MEF2A: variants seen among roughly 807,000 people sequenced by gnomAD.
MEF2A encodes myocyte enhancer factor 2A.
In MEF2A, 28 loss-of-function variants were observed where a neutral mutation model predicts 55.8. The ratio of observed to expected loss-of-function variants is 0.50; its 90% CI spans 0.37 to 0.69. The LOEUF (loss-of-function observed/expected upper bound fraction) is 0.69, where lower values mean the gene tolerates loss of function less well. Among genes scored for constraint, MEF2A ranks in the 30% least tolerant of loss-of-function variants. MEF2A has a pLI of 0.00. For missense variants in MEF2A, 528 were observed against 626.2 expected (o/e 0.84, Z 1.67); for synonymous variants, 239 against 227.1 (o/e 1.05, Z -0.47).
At chr15:99,711,087 A>G (rs1282758995) in intron 11 of MEF2A, among the ~76,000 whole-genome samples, 1 of 152,124 alleles carries the variant, frequency 6.6e-6, no homozygotes, top group African/African-American at 2.4e-5. Context: ...CTGCCCTCTG[A>G]CCAGTGATGA....
At chr15:99,638,936 G>A (rs942974166) in intron 3 of MEF2A, among the ~76,000 whole-genome samples, 1 of 152,038 alleles carries the variant, frequency 6.6e-6, no homozygotes, top group South Asian at 2.1e-4. Context: ...CTTTAAAGAG[G>A]TATTTGTTGT....
intron 4 of MEF2A, among the ~76,000 whole-genome samples, chr15:99,654,557 T>TA (rs2047372993): frequency 7.5e-6 from 1 of 133,362 alleles, no homozygotes; most frequent in African/African-American, 2.9e-5. Context: ...AATAAATAAA[T>TA]AAATAAAAAT....
intron 1 of MEF2A, among the ~76,000 whole-genome samples, chr15:99,576,034 T>C (rs1161712357): frequency 2.6e-5 from 4 of 152,364 alleles, no homozygotes; most frequent in East Asian, 1.9e-4. Flanking sequence ...GCTCATCTTA[T>C]GGTCATCTCC....
intron 2 of MEF2A, among the ~76,000 whole-genome samples, chr15:99,620,376 G>C (rs952338982): frequency 6.6e-6 from 1 of 152,098 alleles, no homozygotes; most frequent in African/African-American, 2.4e-5. Context: ...AGTGTTTGTT[G>C]TTCTCAACTT....
intron 2 of MEF2A, among the ~76,000 whole-genome samples, chr15:99,621,239 A>G (rs919155916): frequency 3.9e-5 from 6 of 152,196 alleles, no homozygotes; most frequent in African/African-American, 1.2e-4. Context: ...TTTATTGTAC[A>G]GTGTTCCACC....
chr15:99,587,200 C>G (rs745408429), intron 1 of MEF2A, among the ~76,000 whole-genome samples: 1 of 152,012 alleles, frequency 6.6e-6, no homozygotes, highest in Non-Finnish European at 1.5e-5. Flanking sequence ...AATGCTATCC[C>G]TCCCCTTGTC....
intron 2 of MEF2A, among the ~76,000 whole-genome samples, chr15:99,621,275 G>A (rs374339977): frequency 2.0e-5 from 3 of 152,212 alleles, no homozygotes; most frequent in East Asian, 3.9e-4. Context: ...GTATTGTAGG[G>A]ACAGGCCACC....
chr15:99,640,336 G>A lies in MEF2A; in HGVS notation c.55-5225G>A, dbSNP rs558794766. On this transcript the variant is annotated intron_variant, in intron 3 of 11. Transcript: ENST00000557942. ...GTTTTATACATTTTGGGACTATTTC[G>A]TTAGGCTTGCACATATTTAGAGGTG... is the stretch of plus-strand genomic sequence containing the variant. Among the ~76,000 whole-genome samples, 5 of 152,046 alleles carry A rather than the reference G, an allele frequency of 3.3e-5. No individual in the cohort carries two copies. In the South Asian group the frequency reaches 6.2e-4, roughly 19 times the overall value.
intron 2 of MEF2A, among the ~76,000 whole-genome samples, chr15:99,629,102 T>G (rs2042509654): frequency 6.6e-6 from 1 of 152,176 alleles, no homozygotes; most frequent in African/African-American, 2.4e-5. Flanking sequence ...TGTTGCTTCT[T>G]GAAGTTAATC....
Position 99,600,614 on chromosome 15 carries a change from T to G in MEF2A, c.-143+2103T>G, listed in dbSNP as rs1357118858. On this transcript the variant is annotated intron_variant, in intron 2 of 11. Coordinates refer to ENST00000557942, the MANE Select transcript of MEF2A (RefSeq NM_001319206.4). ...TGAGGTAAGGGTTGAAGTTTATTTC[T>G]TTGAATATAGATATCATATTGTTCC... Among the ~76,000 whole-genome samples, 5 of 152,288 alleles carry G rather than the reference T, an allele frequency of 3.3e-5. No homozygotes were observed. In the East Asian group the frequency reaches 9.6e-4, roughly 29 times the overall value.
chr15:99,665,264 T>C (rs1310908122), intron 4 of MEF2A, among the ~76,000 whole-genome samples: 1 of 152,190 alleles, frequency 6.6e-6, no homozygotes, highest in Non-Finnish European at 1.5e-5. Context: ...TATGGAAATT[T>C]TAAACTCAAG....
chr15:99,582,593 T>G (rs1001093471), intron 1 of MEF2A, among the ~76,000 whole-genome samples: 3 of 152,072 alleles, frequency 2.0e-5, no homozygotes, highest in African/African-American at 7.2e-5. Context: ...TCAGTGAAAA[T>G]GTGGTATGTA....
chr15:99,672,516 C>T (rs901427504), intron 5 of MEF2A, among the ~76,000 whole-genome samples: 1 of 152,162 alleles, frequency 6.6e-6, no homozygotes, highest in Non-Finnish European at 1.5e-5. Context: ...GTAGGTCAGC[C>T]GCCCTTGAAC....
At chr15:99,641,618 G>T (rs913427145) in intron 3 of MEF2A, among the ~76,000 whole-genome samples, 1 of 152,130 alleles carries the variant, frequency 6.6e-6, no homozygotes, top group African/African-American at 2.4e-5. Context: ...AGCTACTCGG[G>T]AGGCTGAGGC....
intron 1 of MEF2A, among the ~76,000 whole-genome samples, chr15:99,579,541 C>T (rs750418640): frequency 7.2e-5 from 11 of 151,912 alleles, no homozygotes; most frequent in Non-Finnish European, 1.2e-4. Flanking sequence ...ATTACAGGCA[C>T]GTGCCACCAT....
At chr15:99,581,873 C>CA (rs1323567829) in intron 1 of MEF2A, among the ~76,000 whole-genome samples, 1 of 151,948 alleles carries the variant, frequency 6.6e-6, no homozygotes, top group Non-Finnish European at 1.5e-5. Context: ...GTTTTATTGT[C>CA]AGAGTTGTGG....
At chr15:99,643,094 CTT>C (rs2045315319) in intron 3 of MEF2A, among the ~76,000 whole-genome samples, 1 of 152,028 alleles carries the variant, frequency 6.6e-6, no homozygotes, top group Non-Finnish European at 1.5e-5. Flanking sequence ...AAAATATTGT[CTT>C]AGAATAATAA....
intron 3 of MEF2A, among the ~76,000 whole-genome samples, chr15:99,641,793 C>T (rs1476259155): frequency 1.3e-5 from 2 of 152,160 alleles, no homozygotes; most frequent in Non-Finnish European, 2.9e-5. Flanking sequence ...ACATCCCTGA[C>T]CCCGTACATT....
intron 4 of MEF2A, among the ~76,000 whole-genome samples, chr15:99,670,411 A>G (rs973825600): frequency 4.6e-4 from 70 of 152,272 alleles, no homozygotes; most frequent in Middle Eastern, 3.4e-3. Flanking sequence ...GATCCAGACC[A>G]TCCTGGCTAA....
Sources: gnomAD v4.1 joint callset for allele counts (sites outside exome capture counted in the v4.1 genomes callset) on GRCh38, gnomAD v4.1.1 for gene constraint, MANE v1.5 for transcripts, NCBI Gene and HGNC (gene_info 2026-07-23, HGNC 2026-07-21) for gene names.